Variants in ZMAT4 observed in about 807,000 individuals in gnomAD.
The protein encoded by ZMAT4 is zinc finger matrin-type protein 4.
Under a neutral mutation model 28.7 loss-of-function variants are expected in ZMAT4, and 17 were observed. The ratio of observed to expected loss-of-function variants is 0.59; its 90% CI spans 0.41 to 0.89. ZMAT4 has a LOEUF of 0.89. ZMAT4 is among the 40% of genes least tolerant of loss of function. The pLI is 0.00. For synonymous variants in ZMAT4, 117 were observed against 109.2 expected (o/e 1.07, Z -0.44); for missense variants, 240 against 283.8 (o/e 0.85, Z 1.11).
chr8:40,857,031 T>C (rs1030650165), intron 1 of ZMAT4, among the ~76,000 whole-genome samples: 1 of 152,132 alleles, frequency 6.6e-6, no homozygotes, highest in Non-Finnish European at 1.5e-5. Flanking sequence ...GTGTTAGTTA[T>C]TACAGATTTT....
intron 3 of ZMAT4, among the ~76,000 whole-genome samples, chr8:40,714,007 A>T (rs1365822026): frequency 6.6e-6 from 1 of 151,980 alleles, no homozygotes; most frequent in Non-Finnish European, 1.5e-5. Context: ...TATAAAAAAG[A>T]TCAATTTTAC....
At chr8:40,765,994 T>C (rs1291612532) in intron 3 of ZMAT4, among the ~76,000 whole-genome samples, 1 of 152,154 alleles carries the variant, frequency 6.6e-6, no homozygotes, top group Non-Finnish European at 1.5e-5. Flanking sequence ...ACATAAAAGC[T>C]GGTGTAGGCC....
chr8:40,657,415 C>G (rs1389678853), intron 5 of ZMAT4, among the ~76,000 whole-genome samples: 1 of 151,754 alleles, frequency 6.6e-6, no homozygotes, highest in Non-Finnish European at 1.5e-5. Flanking sequence ...ATTATTACAC[C>G]TTTATTCTTG....
chr8:40,589,762 T>TTCTTTCTTTCTTTTTC (rs139887440), intron 5 of ZMAT4, among the ~76,000 whole-genome samples: 1 of 33,444 alleles, frequency 3.0e-5, no homozygotes, highest in East Asian at 1.1e-3. Context: ...CTTTCTTTCT[T>TTCTTTCTTTCTTTTTC]TTTCTTTCTT....
intron 4 of ZMAT4, among the ~76,000 whole-genome samples, chr8:40,683,068 A>G (rs2150480932): frequency 6.6e-6 from 1 of 152,260 alleles, no homozygotes; most frequent in Admixed American, 6.5e-5. Context: ...TTGTTTACTG[A>G]TAGATTCCAG....
intron 1 of ZMAT4, among the ~76,000 whole-genome samples, chr8:40,841,072 GA>G (rs1375255433): frequency 3.9e-5 from 6 of 152,234 alleles, no homozygotes; most frequent in Admixed American, 6.5e-5. Context: ...GGGGCAAAAA[GA>G]AGAGCAACAT....
chr8:40,896,815 C>T (rs1448491436), intron 1 of ZMAT4, among the ~76,000 whole-genome samples: 2 of 152,110 alleles, frequency 1.3e-5, no homozygotes, highest in African/African-American at 4.8e-5. Context: ...CACCTGTGCA[C>T]CAAAACAACC....
chr8:40,728,850 C>T (rs920046486), intron 3 of ZMAT4, among the ~76,000 whole-genome samples: 3 of 152,094 alleles, frequency 2.0e-5, no homozygotes, highest in African/African-American at 4.8e-5. Context: ...GTAGTCAACC[C>T]GCCATTCCCC....
At chr8:40,616,557 T>TA (rs1447864736) in intron 5 of ZMAT4, among the ~76,000 whole-genome samples, 1 of 152,018 alleles carries the variant, frequency 6.6e-6, no homozygotes, top group East Asian at 1.9e-4. Context: ...TATGCAGCCA[T>TA]AAAAAAGGAT....
chr8:40,670,371 G>A (rs535131941), intron 5 of ZMAT4, among the ~76,000 whole-genome samples: 1 of 152,208 alleles, frequency 6.6e-6, no homozygotes, highest in Admixed American at 6.5e-5. Flanking sequence ...ACTTCATACT[G>A]TACACAAAAA....
intron 5 of ZMAT4, among the ~76,000 whole-genome samples, chr8:40,600,273 C>T (rs1805254687): frequency 6.6e-6 from 1 of 152,164 alleles, no homozygotes; most frequent in Non-Finnish European, 1.5e-5. Flanking sequence ...TCTCCAACAC[C>T]CATTATTCCT....
At chr8:40,763,990 A>C (rs4736879) in intron 3 of ZMAT4, among the ~76,000 whole-genome samples, 5,693 of 111,984 alleles carry the variant, frequency 0.051, 234 homozygotes, top group East Asian at 0.5. Flanking sequence ...CACACACACA[A>C]AAAAAAAACC....
At chr8:40,762,347 C>G (rs1812977622) in intron 3 of ZMAT4, among the ~76,000 whole-genome samples, 2 of 152,110 alleles carry the variant, frequency 1.3e-5, no homozygotes, top group African/African-American at 4.8e-5. Flanking sequence ...GGAGAGAGAA[C>G]ACACAGAGAT....
chr8:40,631,232 G>A (rs1329976679), intron 5 of ZMAT4, among the ~76,000 whole-genome samples: 4 of 152,118 alleles, frequency 2.6e-5, no homozygotes, highest in African/African-American at 9.7e-5. Context: ...GAGTGCTGAG[G>A]CGAGATTTCG....
chr8:40,700,657 C>G (rs571115907), intron 3 of ZMAT4, among the ~76,000 whole-genome samples: 2 of 152,096 alleles, frequency 1.3e-5, no homozygotes, highest in Non-Finnish European at 2.9e-5. Flanking sequence ...CTCCTAGGCT[C>G]AAGCAATGCT....
At chr8:40,729,380 G>A (rs2150524709) in intron 3 of ZMAT4, among the ~76,000 whole-genome samples, 1 of 152,258 alleles carries the variant, frequency 6.6e-6, no homozygotes, top group South Asian at 2.1e-4. Flanking sequence ...GGGTATTCAT[G>A]CTACATATAT....
chr8:40,607,171 C>T (rs1303382479), intron 5 of ZMAT4, among the ~76,000 whole-genome samples: 12 of 124,440 alleles, frequency 9.6e-5, no homozygotes, highest in Non-Finnish European at 1.9e-4. Context: ...GTTGCCCAGG[C>T]TGGAGTGCAG....
intron 3 of ZMAT4, among the ~76,000 whole-genome samples, chr8:40,722,554 T>G (rs2150518618): frequency 6.6e-6 from 1 of 152,336 alleles, no homozygotes; most frequent in Admixed American, 6.5e-5. Context: ...AGTGTGTCCT[T>G]AAGTAAATTG....
At chr8:40,616,457 T>C (rs1391561658) in intron 5 of ZMAT4, among the ~76,000 whole-genome samples, 1 of 152,188 alleles carries the variant, frequency 6.6e-6, no homozygotes, top group Non-Finnish European at 1.5e-5. Flanking sequence ...TGTGGCACTA[T>C]TTACAATAGC....
Sources: allele counts gnomAD v4.1 joint callset (sites outside exome capture counted in the v4.1 genomes callset), GRCh38; gene constraint gnomAD v4.1.1; transcripts MANE v1.5; gene names NCBI Gene and HGNC (gene_info 2026-07-23, HGNC 2026-07-21).